Variants in SYT12 observed in about 807,000 individuals in gnomAD.
The protein encoded by SYT12 is synaptotagmin-12.
A neutral mutation model predicts 39.5 loss-of-function variants in SYT12; 27 were observed. The ratio of observed to expected loss-of-function variants is 0.68; its 90% CI spans 0.50 to 0.94. The LOEUF is 0.94. Ranked by LOEUF, SYT12 falls within the 40% of genes least tolerant of loss-of-function variation. SYT12 has a pLI of 0.00. For missense variants in SYT12, 536 were observed against 572.6 expected (o/e 0.94, Z 0.65); for synonymous variants, 233 against 239.7 (o/e 0.97, Z 0.26).
intron 1 of SYT12, among the ~76,000 whole-genome samples, chr11:67,009,254 C>T (rs1434421295): frequency 6.6e-6 from 1 of 152,136 alleles, no homozygotes; most frequent in African/African-American, 2.4e-5. Context: ...GATCCCCATG[C>T]CTTGGCCTCC....
At chr11:67,026,204 C>G (rs1413937195) in intron 1 of SYT12, among the ~76,000 whole-genome samples, 2 of 152,200 alleles carry the variant, frequency 1.3e-5, no homozygotes, top group Non-Finnish European at 2.9e-5. Context: ...GCCGACTTAG[C>G]TCCAACTCCT....
exon 2 of SYT12, chr11:67,010,101 G>C (rs1029066232): frequency 6.6e-6 from 1 of 152,300 alleles, no homozygotes; most frequent in Non-Finnish European, 1.5e-5. Context: ...AGTGACAGCC[G>C]GACAAGAAGC....
chr11:67,030,318 C>CACTGT, intron 2 of SYT12, 140 bp downstream of exon 2: 1 of 1,011,178 alleles, frequency 9.9e-7, no homozygotes, highest in Admixed American at 2.4e-5. Context: ...AGTGACTTGC[C>CACTGT]CAAGGTCAGA....
chr11:67,029,371 C>T (rs1413878941), intron 1 of SYT12: 2 of 152,240 alleles, frequency 1.3e-5, no homozygotes, highest in Non-Finnish European at 2.9e-5. Flanking sequence ...GGGCCTTGCT[C>T]TAATGAGTCA....
At chr11:67,046,721 C>T (rs1854563945) in intron 7 of SYT12, among the ~76,000 whole-genome samples, 1 of 152,200 alleles carries the variant, frequency 6.6e-6, no homozygotes, top group African/African-American at 2.4e-5. Flanking sequence ...TGCCACTTCT[C>T]CACAGCCTCT....
chr11:67,026,592 G>A (rs1336953889), intron 1 of SYT12: 1 of 152,070 alleles, frequency 6.6e-6, no homozygotes, highest in Non-Finnish European at 1.5e-5. Flanking sequence ...AATTTTCAAA[G>A]GGAAGCTGGA....
At position 67,045,813 on chromosome 11, in the gene SYT12, G is replaced by A; in HGVS notation, c.1028G>A (p.Arg343Lys). ...AGCAAAAAGAAGACAGCCGTGAAGAGGGATGACCCCAACCCGGTGTTCAAC... is the reference window on the plus strand; with the variant it reads ...AGCAAAAAGAAGACAGCCGTGAAGAAGGATGACCCCAACCCGGTGTTCAAC... ...KMSKKKTAVK[R>K]DDPNPVFNEA... The change falls in exon 7 of 8, where the codon AGG becomes AAG. Residue 343 changes from arginine (R) to lysine (K), a missense_variant. Transcript: ENST00000527043. 6.2e-7 allele frequency: 1 copy of A among 1,613,960 alleles called. No individual in the cohort carries two copies. Among genetic ancestry groups the A allele is most frequent in the East Asian group, 2.2e-5 (1 of 44,868 alleles).
chr11:67,041,757 T>A (rs572071420), intron 4 of SYT12, among the ~76,000 whole-genome samples: 1 of 152,178 alleles, frequency 6.6e-6, no homozygotes, highest in East Asian at 1.9e-4. Context: ...GGGACTTCCC[T>A]CCCCCTCCAG....
chr11:67,043,159 C>A (rs902645689), intron 4 of SYT12, among the ~76,000 whole-genome samples: 1 of 152,178 alleles, frequency 6.6e-6, no homozygotes, highest in Non-Finnish European at 1.5e-5. Flanking sequence ...ACCGAGTTGG[C>A]CCAACCTCGC....
chr11:67,007,840 AG>A (rs1949983258), intron 1 of SYT12, among the ~76,000 whole-genome samples: 1 of 152,092 alleles, frequency 6.6e-6, no homozygotes, highest in Non-Finnish European at 1.5e-5. Flanking sequence ...CTGGGATTAC[AG>A]GTGTGAGCCA....
intron 2 of SYT12, among the ~76,000 whole-genome samples, chr11:67,010,651 A>G (rs982447940): frequency 5.9e-5 from 9 of 152,140 alleles, no homozygotes; most frequent in African/African-American, 1.7e-4. Flanking sequence ...TGCTTATGCC[A>G]GTGAGGCCCT....
chr11:67,029,937 T>C (rs1003003896), intron 1 of SYT12, 185 bp from the exon 2 acceptor site: 1 of 575,400 alleles, frequency 1.7e-6, no homozygotes, highest in African/African-American at 1.9e-5. Context: ...GAGAAGAGTC[T>C]TAGAATGCTT....
intron 3 of SYT12, among the ~76,000 whole-genome samples, chr11:67,016,320 A>G (rs1378403636): frequency 2.0e-5 from 3 of 152,018 alleles, no homozygotes; most frequent in Non-Finnish European, 4.4e-5. Context: ...ATGTTGCGGG[A>G]GGGAAGTGGG....
intron 4 of SYT12, among the ~76,000 whole-genome samples, chr11:67,043,066 C>T (rs1453295918): frequency 6.6e-6 from 1 of 152,140 alleles, no homozygotes; most frequent in African/African-American, 2.4e-5. Context: ...AGACAGAGCC[C>T]GCAATGCACC....
At chr11:67,044,564 G>A (rs762525815) in intron 5 of SYT12, 29 bp from the exon 6 acceptor site, 13 of 1,606,504 alleles carry the variant, frequency 8.1e-6, no homozygotes, top group Middle Eastern at 1.7e-4. Context: ...GTGGGGAGAA[G>A]CCCTCTGAGC....
At chr11:67,027,327 C>T (rs1031575180) in intron 1 of SYT12, 1 of 151,992 alleles carries the variant, frequency 6.6e-6, no homozygotes, top group African/African-American at 2.4e-5. Flanking sequence ...TGATGAAACC[C>T]CGTCTCTACT....
At chr11:67,024,123 T>G (rs1950149914) in intron 1 of SYT12, among the ~76,000 whole-genome samples, 1 of 151,908 alleles carries the variant, frequency 6.6e-6, no homozygotes, top group Admixed American at 6.6e-5. Flanking sequence ...GGCCTGTGGG[T>G]GGAAGGCCCT....
At position 67,044,730 on chromosome 11, in the gene SYT12, A is replaced by C; in HGVS notation, c.958+17A>C. 6.2e-7 allele frequency: 1 copy of C among 1,613,234 alleles called. No homozygotes were observed. Among genetic ancestry groups the C allele is most frequent in the Non-Finnish European group, 8.5e-7 (1 of 1,179,756 alleles). On this transcript the variant is annotated intron_variant, in intron 6 of 7. Transcript: ENST00000527043. ...CCACAGCGGGTAAGGCCCAGCCGGC[A>C]GCCCGGCTCCTCCACGTAGCTCAGT...
chr11:67,027,590 T>G (rs941026603), intron 1 of SYT12: 1 of 150,318 alleles, frequency 6.7e-6, no homozygotes, highest in African/African-American at 2.5e-5. Context: ...CTCAGCTCCC[T>G]GGGAAAGGAT....
Sources: gnomAD v4.1 joint callset for allele counts (sites outside exome capture counted in the v4.1 genomes callset) on GRCh38, gnomAD v4.1.1 for gene constraint, MANE v1.5 for transcripts, NCBI Gene and HGNC (gene_info 2026-07-23, HGNC 2026-07-21) for gene names.